The following CDC27 variants were observed in gnomAD, a reference collection of about 807,000 sequenced individuals.
CDC27 encodes cell division cycle 27, also known as cell division cycle protein 27 homolog.
Under a neutral mutation model 109.7 loss-of-function variants are expected in CDC27, and 27 were observed. The ratio of observed to expected loss-of-function variants is 0.25; its 90% CI spans 0.18 to 0.34. The LOEUF is 0.34. Among genes scored for constraint, CDC27 ranks in the 10% least tolerant of loss-of-function variants. CDC27 has a pLI of 1.00. For missense variants in CDC27, 579 were observed against 960.2 expected (o/e 0.60, Z 5.25); for synonymous variants, 266 against 333.9 (o/e 0.80, Z 2.22).
intron 1 of CDC27, 59 bp from the exon 2 acceptor site, chr17:47,181,696 C>G (rs761420933): frequency 1.1e-4 from 96 of 873,558 alleles, no homozygotes; most frequent in Non-Finnish European, 2.0e-5. Flanking sequence ...AAGGTAACTA[C>G]TAGCACACAG....
intron 4 of CDC27, 41 bp from the exon 5 acceptor site, chr17:47,158,344 CA>C: frequency 1.9e-6 from 2 of 1,026,166 alleles, no homozygotes; most frequent in South Asian, 3.8e-5. Context: ...CTACAAACCC[CA>C]AAACCTGTAT....
chr17:47,172,595 G>A (rs898466515), intron 2 of CDC27, among the ~76,000 whole-genome samples: 1 of 152,090 alleles, frequency 6.6e-6, no homozygotes, highest in African/African-American at 2.4e-5. Flanking sequence ...TATAAATTGT[G>A]AATGCTCACA....
At chr17:47,127,299 A>G (rs2062172942) in intron 16 of CDC27, among the ~76,000 whole-genome samples, 1 of 152,222 alleles carries the variant, frequency 6.6e-6, no homozygotes, top group Admixed American at 6.5e-5. Flanking sequence ...GGACAAAACC[A>G]GTAAAAATAG....
chr17:47,151,631 A>C (rs1202160437), intron 9 of CDC27, among the ~76,000 whole-genome samples, 175 bp downstream of exon 9: 1 of 152,236 alleles, frequency 6.6e-6, no homozygotes, highest in Admixed American at 6.5e-5. Flanking sequence ...TGTGCATTAC[A>C]AAACTCAACT....
At chr17:47,155,315 A>G (rs533552177) in intron 7 of CDC27, among the ~76,000 whole-genome samples, 6 of 152,204 alleles carry the variant, frequency 3.9e-5, no homozygotes, top group Non-Finnish European at 7.4e-5. Context: ...GCATGATCTC[A>G]GCTCACTGCA....
At chr17:47,131,585 C>T (rs1204835025) in intron 15 of CDC27, among the ~76,000 whole-genome samples, 3 of 151,822 alleles carry the variant, frequency 2.0e-5, no homozygotes, top group Admixed American at 6.6e-5. Flanking sequence ...CTTAAGGTAC[C>T]GTACTTACAC....
chr17:47,143,929 G>A lies in CDC27; in HGVS notation c.1124C>T (p.Pro375Leu). The A allele has an allele frequency of 6.7e-7, 1 of 1,498,370 alleles. No individual in the cohort carries two copies. Among genetic ancestry groups the A allele is most frequent in the Non-Finnish European group, 9.0e-7 (1 of 1,117,036 alleles). The allele number at this position is 1,498,370 out of a possible 1,614,324, so 92.8% of individuals were successfully genotyped here. The change falls in exon 10 of 19, where the codon CCT becomes CTT. Residue 375 changes from proline to leucine, a missense_variant. Transcript: ENST00000066544. ...AGTAAAGAGTCGTGAACTTCTTCGA[G>A]GCAGTGCGTTTGGGGGAGATGTAAT... ...PTITSPPNAL[P>L]RRSSRLFTSD...
At chr17:47,169,138 G>T (rs1205704458) in intron 4 of CDC27, among the ~76,000 whole-genome samples, 2 of 151,668 alleles carry the variant, frequency 1.3e-5, no homozygotes, top group East Asian at 3.9e-4. Flanking sequence ...CTACAGGTAT[G>T]TGCCACCACA....
In CDC27 at chr17:47,132,631, T is replaced by C. The variant is rs140890673; in HGVS notation, c.1914-257A>G. Among the ~76,000 whole-genome samples, 518 of 151,336 alleles carry C rather than the reference T, an allele frequency of 3.4e-3. 3 individuals are homozygous for C. The highest frequency in any genetic ancestry group is 0.012 in the African/African-American group (495 of 41,322). On this transcript the variant is annotated intron_variant, in intron 14 of 18. Transcript: ENST00000066544. ...CCCAGGCTGGAGTGCAGTGGGCCAA[T>C]CATAGCTCACTGCATCCTTGAACTT...
intron 9 of CDC27, among the ~76,000 whole-genome samples, chr17:47,146,736 C>A (rs1440051347): frequency 6.6e-6 from 1 of 152,038 alleles, no homozygotes; most frequent in Non-Finnish European, 1.5e-5. Context: ...CTTTAAAATA[C>A]CTAAAGGAAT....
chr17:47,157,203 T>C lies in CDC27; in HGVS notation c.630+27A>G, dbSNP rs753324329. On this transcript the variant is annotated intron_variant, in intron 6 of 18. Transcript: ENST00000066544. Reference sequence around the variant, plus strand: ...CATTCTTTGTAGTTTTCATAATATTTTGAACACTAGAATATAAGACACTTA... The same window carrying C: ...CATTCTTTGTAGTTTTCATAATATTCTGAACACTAGAATATAAGACACTTA... 6 of 1,586,562 alleles carry C rather than the reference T, an allele frequency of 3.8e-6. No individual in the cohort carries two copies. The Admixed American group carries it at 5.3e-5, about 14-fold the overall frequency.
At position 47,142,216 on chromosome 17, in the gene CDC27, AT is replaced by A. The variant is rs2062815363; in HGVS notation, c.1378+12del. The stretch of plus-strand genomic sequence containing the variant: ...ATAAAATACAAAGATAATATTAAGC[AT>A]TTAAAACAGACCTGCTGCTGCTTTT... On this transcript the variant is annotated intron_variant, in intron 11 of 18. Transcript: ENST00000066544. 4 of 1,495,714 alleles carry A rather than the reference AT, an allele frequency of 2.7e-6. No homozygotes were observed. The highest frequency in any genetic ancestry group is 1.9e-5 in the Admixed American group (1 of 51,936). The allele number at this position is 1,495,714 out of a possible 1,614,324, so 92.7% of individuals were successfully genotyped here.
At chr17:47,158,762 G>A (rs1447269704) in intron 4 of CDC27, among the ~76,000 whole-genome samples, 1 of 151,958 alleles carries the variant, frequency 6.6e-6, no homozygotes, top group Non-Finnish European at 1.5e-5. Context: ...GAGACTATAG[G>A]TGCGCACCAC....
chr17:47,140,714 CCTGT>C (rs1407623122), intron 12 of CDC27, among the ~76,000 whole-genome samples: 1 of 152,108 alleles, frequency 6.6e-6, no homozygotes, highest in Non-Finnish European at 1.5e-5. Context: ...ACAGCTCTTG[CCTGT>C]CTGTGTATAT....
At chr17:47,184,267 A>G (rs2064347083) in intron 1 of CDC27, among the ~76,000 whole-genome samples, 2 of 152,236 alleles carry the variant, frequency 1.3e-5, no homozygotes, top group South Asian at 2.1e-4. Flanking sequence ...TGCTCCTAGT[A>G]TACTATCATA....
At chr17:47,129,018 G>A (rs1457009454) in intron 16 of CDC27, among the ~76,000 whole-genome samples, 2 of 152,050 alleles carry the variant, frequency 1.3e-5, no homozygotes, top group Admixed American at 6.6e-5. Flanking sequence ...TGATCCGCCC[G>A]CCTTGGTCTC....
At chr17:47,129,553 C>G (rs1341772837) in intron 15 of CDC27, 32 bp from the exon 16 acceptor site, 6 of 1,507,102 alleles carry the variant, frequency 4.0e-6, no homozygotes, top group African/African-American at 1.4e-5. Flanking sequence ...TTAATACTCC[C>G]TCTTGATATT....
intron 4 of CDC27, chr17:47,159,353 G>C (rs1057285518): frequency 2.7e-6 from 2 of 749,714 alleles, no homozygotes; most frequent in Non-Finnish European, 4.2e-6. Context: ...TGGCATCAAA[G>C]GTGGCCTTGG....
At chr17:47,152,560 A>G (rs537694519) in intron 8 of CDC27, among the ~76,000 whole-genome samples, 1 of 152,080 alleles carries the variant, frequency 6.6e-6, no homozygotes, top group East Asian at 1.9e-4. Flanking sequence ...CCTTATTTCT[A>G]TTCATTTCCA....
Sources: allele counts gnomAD v4.1 joint callset (sites outside exome capture counted in the v4.1 genomes callset), GRCh38; gene constraint gnomAD v4.1.1; transcripts MANE v1.5; gene names NCBI Gene and HGNC (gene_info 2026-07-23, HGNC 2026-07-21).